GYG2: variants seen among roughly 807,000 people sequenced by gnomAD.
GYG2 encodes the protein glycogenin 2.
A neutral mutation model predicts 29.4 loss-of-function variants in GYG2; 29 were observed. The ratio of observed to expected loss-of-function variants is 0.99; its 90% CI spans 0.74 to 1.35. The LOEUF is 1.35. Among genes scored for constraint, GYG2 ranks in the 40% most tolerant of loss-of-function variants. The pLI is 0.00. For missense variants in GYG2, 370 were observed against 385.7 expected, an observed-to-expected ratio of 0.96 and a Z score of 0.34; for synonymous variants, 167 against 172.3, an observed-to-expected ratio of 0.97 and a Z score of 0.24.
chrX:2,866,402 G>A (rs1404050231), intron 8 of GYG2, among the ~76,000 whole-genome samples: 1 of 111,595 alleles, frequency 9.0e-6, no homozygotes, highest in African/African-American at 3.3e-5. Flanking sequence ...GGCTGAGGTG[G>A]GAGGATCGCT....
rs372983480 is a variant in GYG2 at position 2,856,792 on chromosome X, TATCTATC to T, written c.614+176_614+182del. ...TCTATCTATCTATCTATCTATCATC[TATCTATC>T]ATCTATCTATCTATCACCTCTATCT... On this transcript the variant is annotated intron_variant, in intron 6 of 10. Coordinates refer to ENST00000398806, the MANE Select transcript of GYG2 (RefSeq NM_001079855.2). Among the ~76,000 whole-genome samples, 1,630 of 61,369 alleles carry T rather than the reference TATCTATC, an allele frequency of 0.027. 16 individuals are homozygous for T. The highest frequency in any genetic ancestry group is 0.049 in the East Asian group (78 of 1,592). 53.3% of individuals were successfully genotyped at this position (61,369 alleles called of 115,157 possible). A position where few individuals can be genotyped will look rare whatever the true frequency, so the allele number is the denominator to read the frequency against.
chrX:2,876,029 C>G (rs1304317917), intron 9 of GYG2, 115 bp downstream of exon 9: 3 of 276,133 alleles, frequency 1.1e-5, no homozygotes, highest in Non-Finnish European at 1.8e-5. Flanking sequence ...TTAAAAATTC[C>G]TCCCTTTTTT....
At chrX:2,846,038 T>C (rs866291063) in intron 3 of GYG2, among the ~76,000 whole-genome samples, 11 of 16,681 alleles carry the variant, frequency 6.6e-4, no homozygotes, top group East Asian at 2.1e-3. Context: ...TATATACACA[T>C]ATATATATAT....
intron 8 of GYG2, among the ~76,000 whole-genome samples, chrX:2,864,576 T>C (rs2088252547): frequency 9.1e-6 from 1 of 110,343 alleles, no homozygotes; most frequent in Non-Finnish European, 1.9e-5. Flanking sequence ...AAGACTCTAT[T>C]GAGTCCTCAG....
chrX:2,847,278 A>C (rs5982593), intron 3 of GYG2, among the ~76,000 whole-genome samples: 41,506 of 110,436 alleles, frequency 0.38, 5,897 homozygotes, highest in African/African-American at 0.48. Flanking sequence ...TAGTGCTTAC[A>C]CTAAGAAAGC....
In GYG2 at chrX:2,877,955, T is replaced by A. The variant is rs763213048; in HGVS notation, c.1251+648T>A. 77 of 750,833 alleles carry A rather than the reference T, an allele frequency of 1.0e-4. No homozygotes were observed. In the Admixed American group the frequency reaches 1.8e-3, roughly 18 times the overall value. The allele number at this position is 750,833 out of a possible 1,213,427, so 61.9% of individuals were successfully genotyped here. On this transcript the variant is annotated intron_variant, in intron 10 of 10. Coordinates refer to ENST00000398806, the MANE Select transcript of GYG2 (RefSeq NM_001079855.2). ...CATGTTTAGAGTGTGACCTACTGTGTTGGCTAAATGCCTTCCCTGGACAGT... is the reference window on the plus strand; with the variant it reads ...CATGTTTAGAGTGTGACCTACTGTGATGGCTAAATGCCTTCCCTGGACAGT...
At chrX:2,853,947 G>A (rs762003859) in intron 3 of GYG2, 33 bp from the exon 4 acceptor site, 6 of 1,083,400 alleles carry the variant, frequency 5.5e-6, no homozygotes, top group South Asian at 1.9e-5. Context: ...ATATTCACCC[G>A]CTGTCCCACT....
At chrX:2,846,223 C>T (rs1213076048) in intron 3 of GYG2, among the ~76,000 whole-genome samples, 3 of 101,732 alleles carry the variant, frequency 2.9e-5, no homozygotes, top group East Asian at 3.1e-4. Context: ...TCCAACATCA[C>T]GCCCGGCTAA....
rs1448355535 is a variant in GYG2, at chrX:2,861,723, G to A, written c.1038+1G>A. On this transcript the variant is annotated splice_donor_variant, in intron 8 of 10. Transcript: ENST00000398806. LOFTEE classifies it high-confidence loss of function. ...ACCTGAAGGACGCCGTTCAGAAGAT[G>A]TAAGTACCTGCATTCCTCACAGGTG... 1.2e-5 allele frequency: 14 copies of A among 1,148,045 alleles called. No homozygotes were observed. Among genetic ancestry groups the A allele is most frequent in the African/African-American group, 1.8e-5 (1 of 55,857 alleles). 94.6% of individuals were successfully genotyped at this position (1,148,045 alleles called of 1,213,427 possible).
intron 2 of GYG2, among the ~76,000 whole-genome samples, chrX:2,836,752 T>C (rs7892329): frequency 0.34 from 35,773 of 106,274 alleles, 4,706 homozygotes; most frequent in South Asian, 0.42. Context: ...GCGGGTAGAT[T>C]GCCTGAGCCC....
At chrX:2,861,782 A>G in intron 8 of GYG2, 60 bp downstream of exon 8, 1 of 930,211 alleles carries the variant, frequency 1.1e-6, no homozygotes. Context: ...GTGAGAGAGC[A>G]GAGAGAGCCG....
intron 2 of GYG2, among the ~76,000 whole-genome samples, chrX:2,841,096 TGATG>T (rs1278568528): frequency 1.8e-5 from 2 of 110,444 alleles, no homozygotes; most frequent in Non-Finnish European, 3.8e-5. Context: ...AATTGGTAGA[TGATG>T]GATGGATGGA....
At chrX:2,880,243 A>G (rs1350635812) in intron 10 of GYG2, among the ~76,000 whole-genome samples, 4 of 110,162 alleles carry the variant, frequency 3.6e-5, no homozygotes, top group Non-Finnish European at 7.6e-5. Context: ...TTAAGAAGGC[A>G]GGAACTCTGC....
intron 6 of GYG2, among the ~76,000 whole-genome samples, chrX:2,858,161 A>G (rs2088066704): frequency 8.9e-6 from 1 of 111,800 alleles, no homozygotes. Flanking sequence ...ATATGGAGAG[A>G]GAGAATCCAC....
chrX:2,853,882 C>T (rs1275817195), intron 3 of GYG2, 98 bp from the exon 4 acceptor site: 4 of 575,979 alleles, frequency 6.9e-6, no homozygotes, highest in Non-Finnish European at 2.9e-6. Flanking sequence ...TTGCATTCCA[C>T]GTTTGTGAGC....
At chrX:2,847,703 A>AAAATAAAT (rs34250808) in intron 3 of GYG2, among the ~76,000 whole-genome samples, 2,824 of 80,891 alleles carry the variant, frequency 0.035, 59 homozygotes, top group Middle Eastern at 0.06. Flanking sequence ...GGACTCTGTC[A>AAAATAAAT]AAATAAATAA....
At chrX:2,876,812 G>A (rs1265947867) in intron 9 of GYG2, among the ~76,000 whole-genome samples, 2 of 109,985 alleles carry the variant, frequency 1.8e-5, no homozygotes, top group Non-Finnish European at 3.8e-5. Context: ...AGCTGGGCGT[G>A]GTGGTGGGCG....
At position 2,877,232 on chromosome X, in the gene GYG2, C is replaced by G. The variant is rs199612015; in HGVS notation, c.1176C>G (p.Ser392=). 5.0e-6 allele frequency: 6 copies of G among 1,208,972 alleles called. No individual in the cohort carries two copies. The South Asian group carries it at 1.1e-4, about 21-fold the overall frequency. ...QPANKVESVS[S]EETFEPSQEL... The stretch of plus-strand genomic sequence containing the variant: ...CAAATAAAGTCGAAAGTGTCTCATC[C>G]GAGGAAACCTTCGAACCAAGCCAGG... The change falls in exon 10 of 11, where the codon TCC becomes TCG. Residue 392 remains serine (S), a synonymous_variant. Coordinates refer to ENST00000398806, the MANE Select transcript of GYG2 (RefSeq NM_001079855.2).
At chrX:2,847,600 G>T (rs1446069293) in intron 3 of GYG2, among the ~76,000 whole-genome samples, 1 of 106,576 alleles carries the variant, frequency 9.4e-6, no homozygotes, top group Non-Finnish European at 1.9e-5. Context: ...GCTACTCGGT[G>T]AGGCTGAGGC....
Sources: allele counts gnomAD v4.1 joint callset (sites outside exome capture counted in the v4.1 genomes callset), GRCh38; gene constraint gnomAD v4.1.1; transcripts MANE v1.5; gene names NCBI Gene and HGNC (gene_info 2026-07-23, HGNC 2026-07-21).